Variants in ACLY observed in about 807,000 individuals in gnomAD.
ACLY encodes the protein ATP citrate lyase, also known as ATP-citrate synthase.
Under a neutral mutation model 133.0 loss-of-function variants are expected in ACLY, and 41 were observed. That is an observed-to-expected ratio of 0.31 (90% CI 0.24 to 0.40). The LOEUF is 0.40. ACLY is among the 10% of genes least tolerant of loss of function. The pLI is 1.00. For missense variants in ACLY, 1,046 were observed against 1,453.8 expected (o/e 0.72, Z 4.56); for synonymous variants, 495 against 549.3 (o/e 0.90, Z 1.38).
At chr17:41,869,392 A>G in intron 26 of ACLY, 82 bp downstream of exon 26, 4 of 1,189,882 alleles carry the variant, frequency 3.4e-6, no homozygotes, top group Non-Finnish European at 3.7e-6. Context: ...TTTTAGCTGC[A>G]TAATCAAAAT....
rs1555634031 is a variant in ACLY at position 41,913,701 on chromosome 17, G to A, written c.159+14C>T. The A allele has an allele frequency of 1.2e-6, 2 of 1,612,432 alleles. No individual in the cohort carries two copies. The highest frequency in any genetic ancestry group is 2.7e-5 in the African/African-American group (2 of 74,892). On this transcript the variant is annotated intron_variant, in intron 2 of 28. Transcript: ENST00000352035. The stretch of plus-strand genomic sequence containing the variant: ...GGGCCTGGAAGAAAGGCCCAAAGTG[G>A]AGGCAGGGCTCACCTGGCTGAGCAG...
rs73307729 is a variant in ACLY, at chr17:41,867,673, G to A, written c.*137C>T. On this transcript the variant is annotated 3_prime_UTR_variant, in exon 29 of 29. Transcript: ENST00000352035. ...TGTTAGCCTGTGGATGTTGGTCTTC[G>A]GTGCCTGTACCCCAGTGGCTGTTTA... is the stretch of plus-strand genomic sequence containing the variant. 1,220 of 541,494 alleles carry A rather than the reference G, an allele frequency of 2.3e-3. 13 individuals carry two copies. The highest frequency in any genetic ancestry group is 0.022 in the African/African-American group (1,111 of 51,506). The allele number at this position is 541,494 out of a possible 1,614,324, so 33.5% of individuals were successfully genotyped here. A position where few individuals can be genotyped will look rare whatever the true frequency, so the allele number is the denominator to read the frequency against.
chr17:41,912,662 C>G, intron 2 of ACLY, 120 bp from the exon 3 acceptor site: 1 of 1,259,572 alleles, frequency 7.9e-7, no homozygotes, highest in Non-Finnish European at 1.1e-6. Context: ...CAAAGCCAGC[C>G]CTAACCATCC....
chr17:41,928,922 C>A (rs142646191), intron 1 of ACLY, among the ~76,000 whole-genome samples: 1 of 150,670 alleles, frequency 6.6e-6, no homozygotes, highest in Non-Finnish European at 1.5e-5. Flanking sequence ...CTCTTCCTTG[C>A]AGGAGGTTTT....
chr17:41,912,689 G>A (rs1318395786), intron 2 of ACLY, 147 bp from the exon 3 acceptor site: 2 of 1,017,104 alleles, frequency 2.0e-6, no homozygotes, highest in African/African-American at 1.6e-5. Flanking sequence ...GTCAACTCCT[G>A]GATGCTTCCT....
At chr17:41,892,229 C>T (rs530364896) in intron 16 of ACLY, 50 bp downstream of exon 16, 19 of 1,152,868 alleles carry the variant, frequency 1.6e-5, no homozygotes, top group African/African-American at 4.9e-5. Flanking sequence ...GATCTACCTG[C>T]GCATAGTTCA....
chr17:41,919,318 G>A (rs1370477507), upstream of ACLY, among the ~76,000 whole-genome samples: 1 of 150,052 alleles, frequency 6.7e-6, no homozygotes, highest in East Asian at 2.0e-4. Context: ...GGAGGGGCGG[G>A]TAGGATTAGC....
At position 41,909,668 on chromosome 17, in the gene ACLY, G is replaced by A. The variant is rs2049838555; in HGVS notation, c.378C>T (p.Thr126=). ...AEEFYVCIYA[T]REGDYVLFHH... ...GGAACAGGACGTAGTCCCCTTCTCG[G>A]GTGGCATAGATGCAGACATAGAACT... is the stretch of plus-strand genomic sequence containing the variant. Residue 126 remains threonine (T), a synonymous_variant, in exon 5 of 29, where the codon ACC becomes ACT. Transcript: ENST00000352035. 6.2e-7 allele frequency: 1 copy of A among 1,614,018 alleles called. No individual in the cohort carries two copies. The highest frequency in any genetic ancestry group is 1.7e-5 in the Admixed American group (1 of 60,004).
At chr17:41,876,444 T>C (rs1183779204) in intron 22 of ACLY, among the ~76,000 whole-genome samples, 9 of 152,208 alleles carry the variant, frequency 5.9e-5, no homozygotes, top group Non-Finnish European at 7.3e-5. Flanking sequence ...CGAGCCATGA[T>C]GACAATGGCG....
At chr17:41,876,142 C>T (rs868952832) in intron 22 of ACLY, among the ~76,000 whole-genome samples, 2 of 151,682 alleles carry the variant, frequency 1.3e-5, no homozygotes, top group East Asian at 1.9e-4. Context: ...GCCCGGCAGC[C>T]GCCCCATCTG....
chr17:41,917,134 C>CAAAA (rs35545409), intron 1 of ACLY, among the ~76,000 whole-genome samples: 6 of 53,504 alleles, frequency 1.1e-4, no homozygotes, highest in Admixed American at 4.2e-4. Context: ...GACTCTGTCT[C>CAAAA]AAAAAAAAAA....
intron 22 of ACLY, 27 bp downstream of exon 22, chr17:41,878,076 A>G (rs2144237507): frequency 6.8e-7 from 1 of 1,465,934 alleles, no homozygotes. Context: ...CCTTGCTCAC[A>G]CTGTTAGAGA....
At chr17:41,868,277 A>G (rs1400886789) in intron 28 of ACLY, among the ~76,000 whole-genome samples, 1 of 151,916 alleles carries the variant, frequency 6.6e-6, no homozygotes, top group Non-Finnish European at 1.5e-5. Flanking sequence ...TCTCTACTAA[A>G]AATACAAAAA....
intron 17 of ACLY, among the ~76,000 whole-genome samples, chr17:41,887,127 G>GAAAAAA (rs535668437): frequency 0.014 from 1,494 of 110,184 alleles, 64 homozygotes; most frequent in South Asian, 0.023. Flanking sequence ...CCGTCTCAAA[G>GAAAAAA]AAAAAAAAAA....
At chr17:41,890,513 T>C (rs1428299465) in intron 16 of ACLY, among the ~76,000 whole-genome samples, 2 of 147,944 alleles carry the variant, frequency 1.4e-5, no homozygotes, top group South Asian at 2.1e-4. Context: ...TGAAACTCCG[T>C]CTCTACTAAA....
At chr17:41,916,209 A>G (rs1555634494) in intron 1 of ACLY, among the ~76,000 whole-genome samples, 1 of 152,180 alleles carries the variant, frequency 6.6e-6, no homozygotes, top group African/African-American at 2.4e-5. Context: ...TCTGGCTTAG[A>G]GACGGGAGGT....
chr17:41,868,880 G>A (rs2048530668), intron 27 of ACLY, 95 bp from the exon 28 acceptor site: 1 of 1,409,776 alleles, frequency 7.1e-7, no homozygotes, highest in Non-Finnish European at 1.0e-6. Context: ...GAGAAGAAAA[G>A]GGGTGCTCTG....
intron 8 of ACLY, 139 bp from the exon 9 acceptor site, chr17:41,905,797 A>G (rs1304423125): frequency 3.9e-6 from 4 of 1,028,392 alleles, no homozygotes; most frequent in East Asian, 2.5e-5. Context: ...CCAGCCCCCA[A>G]TTCCCATGCA....
chr17:41,872,254 A>G, intron 23 of ACLY, 72 bp from the exon 24 acceptor site: 1 of 1,476,978 alleles, frequency 6.8e-7, no homozygotes, highest in Non-Finnish European at 9.3e-7. Flanking sequence ...ATCTCCCTAA[A>G]CAAGTCATTC....
Sources: allele counts gnomAD v4.1 joint callset (sites outside exome capture counted in the v4.1 genomes callset), GRCh38; gene constraint gnomAD v4.1.1; transcripts MANE v1.5; gene names NCBI Gene and HGNC (gene_info 2026-07-23, HGNC 2026-07-21).